The following DNAH10 variants were observed in gnomAD, a reference collection of about 807,000 sequenced individuals.
DNAH10 encodes dynein axonemal heavy chain 10.
In DNAH10, 348 loss-of-function variants were observed where a neutral mutation model predicts 506.6. That is an observed-to-expected ratio of 0.69 (90% CI 0.63 to 0.75). The LOEUF is 0.75. Ranked by LOEUF, DNAH10 falls within the 30% of genes least tolerant of loss-of-function variation. The pLI, the probability that DNAH10 is intolerant of heterozygous loss-of-function variation, is 0.00. For missense variants in DNAH10, 5,179 were observed against 5,787.1 expected, an observed-to-expected ratio of 0.89 and a Z score of 3.41; for synonymous variants, 2,059 against 2,198.6, an observed-to-expected ratio of 0.94 and a Z score of 1.78.
chr12:123,794,221 G>C, intron 12 of DNAH10, 109 bp downstream of exon 12: 1 of 892,638 alleles, frequency 1.1e-6, no homozygotes, highest in Non-Finnish European at 1.4e-6. Context: ...AGAGAAACTA[G>C]AATTTTCCCA....
chr12:123,890,452 A>C lies in DNAH10; in HGVS notation c.8996-2781A>C, dbSNP rs555140088. Among the ~76,000 whole-genome samples, 521 of 150,680 alleles carry C rather than the reference A, an allele frequency of 3.5e-3. 1 individual carries two copies. The highest frequency in any genetic ancestry group is 5.6e-3 in the Non-Finnish European group (377 of 67,468). On this transcript the variant is annotated intron_variant, in intron 52 of 78. Coordinates refer to ENST00000673944, the MANE Select transcript of DNAH10 (RefSeq NM_001372106.1). ...CAACCAGCTGATTAAAAAAAAAAAAACACACTTTTTTTTTTAAGAGGTGGA... is the reference window on the plus strand; with the variant it reads ...CAACCAGCTGATTAAAAAAAAAAAACCACACTTTTTTTTTTAAGAGGTGGA...
intron 76 of DNAH10, 84 bp from the exon 77 acceptor site, chr12:123,933,247 C>T: frequency 7.8e-7 from 1 of 1,275,374 alleles, no homozygotes; most frequent in South Asian, 2.1e-5. Flanking sequence ...TGTCTTTTAT[C>T]ATAAACTAAA....
chr12:123,831,209 AATT>A (rs910318674), intron 26 of DNAH10, among the ~76,000 whole-genome samples: 33 of 146,066 alleles, frequency 2.3e-4, no homozygotes, highest in African/African-American at 9.0e-4. Context: ...ACCTGAAAAT[AATT>A]ATTAACTTTT....
intron 25 of DNAH10, among the ~76,000 whole-genome samples, chr12:123,827,413 A>G (rs1419302099): frequency 6.6e-6 from 1 of 152,238 alleles, no homozygotes. Context: ...TGTGTATTTT[A>G]TATCTATAGC....
chr12:123,896,317 G>A (rs1424366406), intron 54 of DNAH10, among the ~76,000 whole-genome samples: 2 of 152,142 alleles, frequency 1.3e-5, no homozygotes, highest in South Asian at 4.1e-4. Flanking sequence ...GAGTAACTCA[G>A]GACCAGCTCT....
rs756801069 is a variant in DNAH10 at position 123,931,498 on chromosome 12, T to C, written c.12916+26T>C. ...GTAAACTCTACTCAGGAGGACTTCATTAGTTTGATTGGGGTTTTACGATTG... is the reference window on the plus strand; with the variant it reads ...GTAAACTCTACTCAGGAGGACTTCACTAGTTTGATTGGGGTTTTACGATTG... On this transcript the variant is annotated intron_variant, in intron 74 of 78. Coordinates refer to ENST00000673944, the MANE Select transcript of DNAH10 (RefSeq NM_001372106.1). The C allele has an allele frequency of 4.3e-6, 7 of 1,611,056 alleles. No homozygotes were observed. In the South Asian group the frequency reaches 5.5e-5, roughly 13 times the overall value.
intron 51 of DNAH10, 26 bp downstream of exon 51, chr12:123,881,839 T>C (rs1449384609): frequency 7.6e-6 from 11 of 1,449,608 alleles, no homozygotes; most frequent in Non-Finnish European, 9.1e-6. Flanking sequence ...CTCCCAGAAA[T>C]AGGTTTACGA....
intron 21 of DNAH10, among the ~76,000 whole-genome samples, chr12:123,816,999 T>C (rs1959165151): frequency 6.6e-6 from 1 of 152,174 alleles, no homozygotes. Flanking sequence ...ATCCCTTCTA[T>C]GTGTGGATAT....
chr12:123,815,608 T>G (rs900019968), intron 21 of DNAH10, among the ~76,000 whole-genome samples: 1 of 152,214 alleles, frequency 6.6e-6, no homozygotes, highest in Non-Finnish European at 1.5e-5. Context: ...GAAAAGCTTT[T>G]GGCACTGTAT....
At position 123,772,830 on chromosome 12, in the gene DNAH10, T is replaced by C. The variant is rs758815703; in HGVS notation, c.397-4T>C. ...ATGAATGGTTTTTGTTCCCCATGTT[T>C]CAGAGAACTGCGAAGCACATCATGG... On this transcript the variant is annotated splice_region_variant and splice_polypyrimidine_tract_variant and intron_variant, in intron 3 of 78. Transcript: ENST00000673944. 1 of 1,593,044 alleles carries C rather than the reference T, an allele frequency of 6.3e-7. No homozygotes were observed. Among genetic ancestry groups the C allele is most frequent in the Non-Finnish European group, 8.5e-7 (1 of 1,170,894 alleles).
At chr12:123,852,284 T>C (rs1951204105) in intron 35 of DNAH10, among the ~76,000 whole-genome samples, 1 of 152,246 alleles carries the variant, frequency 6.6e-6, no homozygotes, top group African/African-American at 2.4e-5. Flanking sequence ...TTTTATCCTC[T>C]TTTAAGCTAT....
chr12:123,797,726 A>G (rs1302846986), intron 13 of DNAH10, among the ~76,000 whole-genome samples: 2 of 152,212 alleles, frequency 1.3e-5, no homozygotes, highest in South Asian at 2.1e-4. Flanking sequence ...ATCTTAATAC[A>G]GAAGACATCT....
At chr12:123,815,638 T>G (rs1209982077) in intron 21 of DNAH10, among the ~76,000 whole-genome samples, 1 of 152,218 alleles carries the variant, frequency 6.6e-6, no homozygotes, top group African/African-American at 2.4e-5. Flanking sequence ...TGGTAATTGC[T>G]GTGTGGTTTA....
intron 25 of DNAH10, among the ~76,000 whole-genome samples, chr12:123,829,648 A>G (rs1960329088): frequency 6.6e-6 from 1 of 152,160 alleles, no homozygotes; most frequent in South Asian, 2.1e-4. Context: ...GTGCTGTGCT[A>G]GGCCAGGGGG....
At chr12:123,803,595 T>C in intron 16 of DNAH10, 66 bp from the exon 17 acceptor site, 3 of 1,401,456 alleles carry the variant, frequency 2.1e-6, no homozygotes, top group Non-Finnish European at 2.8e-6. Flanking sequence ...ATCACAGACG[T>C]TGGTGGGGGG....
chr12:123,766,756 A>G (rs142623670), intron 1 of DNAH10, among the ~76,000 whole-genome samples: 2,665 of 152,216 alleles, frequency 0.018, 34 homozygotes, highest in Admixed American at 0.028. Flanking sequence ...CTGTTTCCCA[A>G]TGGCCTCCTG....
At position 123,914,925 on chromosome 12, in the gene DNAH10, T is replaced by C; in HGVS notation, c.10648T>C (p.Phe3550Leu). ...NGILTTRASR[F>L]PLCIDPQQQA... ...CATCCTCACCACCCGGGCCAGCCGCTTCCCTCTGTGTATCGACCCCCAGCA... is the reference window on the plus strand; with the variant it reads ...CATCCTCACCACCCGGGCCAGCCGCCTCCCTCTGTGTATCGACCCCCAGCA... The change falls in exon 62 of 79, where the codon TTC (phenylalanine) becomes CTC (leucine). Residue 3550 changes from phenylalanine (F) to leucine (L), a missense_variant. By Grantham distance (22) the Phe-to-Leu change is conservative. Coordinates refer to ENST00000673944, the MANE Select transcript of DNAH10 (RefSeq NM_001372106.1). 1 of 1,613,250 alleles carries C rather than the reference T, an allele frequency of 6.2e-7. No individual in the cohort carries two copies. Among genetic ancestry groups the C allele is most frequent in the Non-Finnish European group, 8.5e-7 (1 of 1,179,630 alleles).
At chr12:123,814,761 C>A (rs1051260704) in intron 21 of DNAH10, among the ~76,000 whole-genome samples, 3 of 151,904 alleles carry the variant, frequency 2.0e-5, no homozygotes, top group Non-Finnish European at 4.4e-5. Context: ...ACTACAGGCA[C>A]CCGCCACCAC....
chr12:123,800,221 C>T lies in DNAH10; in HGVS notation c.2295C>T (p.Ser765=). The part of the protein sequence containing the change: ...LMKKSLLTKS[S]IATEEPSTLE... ...ATGGAATGTCTCTTCCACAGTCTTC[C>T]ATCGCCACAGAGGAGCCTTCGACTT... The change falls in exon 15 of 79, where the codon TCC becomes TCT. Residue 765 remains serine (S), a synonymous_variant. Transcript: ENST00000673944. 1 of 1,613,504 alleles carries T rather than the reference C, an allele frequency of 6.2e-7. No individual in the cohort carries two copies.
Sources: gnomAD v4.1 joint callset for allele counts (sites outside exome capture counted in the v4.1 genomes callset) on GRCh38, gnomAD v4.1.1 for gene constraint, MANE v1.5 for transcripts, NCBI Gene and HGNC (gene_info 2026-07-23, HGNC 2026-07-21) for gene names.